The following ROBO2 variants were observed in gnomAD, a reference collection of about 807,000 sequenced individuals.
ROBO2 encodes roundabout homolog 2.
ROBO2 carries 53 observed loss-of-function variants against 160.8 expected under a neutral mutation model. The ratio of observed to expected loss-of-function variants is 0.33; its 90% CI spans 0.26 to 0.41. The LOEUF (loss-of-function observed/expected upper bound fraction) is 0.41, where lower values mean the gene tolerates loss of function less well. Ranked by LOEUF, ROBO2 falls within the 10% of genes least tolerant of loss-of-function variation. ROBO2 has a pLI of 1.00. For synonymous variants in ROBO2, 664 were observed against 611.7 expected, an observed-to-expected ratio of 1.09 and a Z score of -1.26; for missense variants, 1,577 against 1,722.4, an observed-to-expected ratio of 0.92 and a Z score of 1.49.
chr3:76,719,958 T>C (rs2093439889), intron 2 of ROBO2, among the ~76,000 whole-genome samples: 1 of 152,076 alleles, frequency 6.6e-6, no homozygotes, highest in Admixed American at 6.6e-5. Flanking sequence ...ATTGAGAACT[T>C]ATCAAATATG....
chr3:76,234,539 G>GCA (rs1328799269), intron 2 of ROBO2, among the ~76,000 whole-genome samples: 7 of 152,168 alleles, frequency 4.6e-5, no homozygotes. Context: ...AACCTCACCA[G>GCA]CAACTGTTAT....
intron 2 of ROBO2, among the ~76,000 whole-genome samples, chr3:75,939,217 T>C (rs1406267170): frequency 2.6e-5 from 4 of 152,184 alleles, no homozygotes; most frequent in Non-Finnish European, 5.9e-5. Context: ...CACAACTGTT[T>C]CTCTGTAATA....
chr3:77,375,372 G>T (rs2072486636), intron 2 of ROBO2, among the ~76,000 whole-genome samples: 1 of 152,140 alleles, frequency 6.6e-6, no homozygotes, highest in South Asian at 2.1e-4. Context: ...CAGAAATAAA[G>T]ACAGAACATT....
intron 2 of ROBO2, among the ~76,000 whole-genome samples, chr3:77,179,692 T>G (rs2150826851): frequency 6.6e-6 from 1 of 152,244 alleles, no homozygotes; most frequent in Non-Finnish European, 1.5e-5. Context: ...ACATATAACA[T>G]TTAATCTCCT....
chr3:77,597,663 ATTAT>A (rs1327936474), intron 19 of ROBO2, among the ~76,000 whole-genome samples: 1 of 152,154 alleles, frequency 6.6e-6, no homozygotes, highest in Non-Finnish European at 1.5e-5. Flanking sequence ...TGAACAGAAT[ATTAT>A]TTAAGTTGAT....
chr3:77,060,353 C>G lies in ROBO2; in HGVS notation c.61+19507C>G, dbSNP rs1489018465. Among the ~76,000 whole-genome samples the G allele has an allele frequency of 2.0e-5, 3 of 152,102 alleles. No individual in the cohort carries two copies. The East Asian group carries it at 5.8e-4, about 29-fold the overall frequency. ...TGGGAGAAAATTGAATTGGAGAAACCTAGAAGAATTCCGCATCTAGTCCAT... is the reference window on the plus strand; with the variant it reads ...TGGGAGAAAATTGAATTGGAGAAACGTAGAAGAATTCCGCATCTAGTCCAT... On this transcript the variant is annotated intron_variant, in intron 1 of 25. Transcript: ENST00000461745.
intron 2 of ROBO2, among the ~76,000 whole-genome samples, chr3:76,018,533 A>C (rs1460528699): frequency 6.6e-6 from 1 of 151,628 alleles, no homozygotes; most frequent in Non-Finnish European, 1.5e-5. Context: ...TGTTGAATTT[A>C]TCTGTTTTCA....
chr3:76,225,192 G>C (rs926006794), intron 2 of ROBO2, among the ~76,000 whole-genome samples: 7 of 152,074 alleles, frequency 4.6e-5, no homozygotes, highest in Non-Finnish European at 5.9e-5. Flanking sequence ...AGTGGGGGCT[G>C]TACATTCCCC....
In ROBO2 at chr3:75,957,245, C is replaced by CAA. The variant is rs1344110928; in HGVS notation, c.109+19646_109+19647dup. Among the ~76,000 whole-genome samples the CAA allele has an allele frequency of 1.4e-4, 7 of 50,134 alleles. No homozygotes were observed. In the Admixed American group the frequency reaches 2.5e-3, roughly 18 times the overall value. The allele number at this position is 50,134 out of a possible 152,430, so 32.9% of individuals were successfully genotyped here. On this transcript the variant is annotated intron_variant, in intron 2 of 26. Coordinates refer to the ROBO2 transcript ENST00000487694. ...CACAAAACACACACGCACACACACA[C>CAA]AAAACACACACACACACACACATAC...
chr3:76,914,493 T>C (rs537335148), intron 2 of ROBO2, among the ~76,000 whole-genome samples: 1 of 152,150 alleles, frequency 6.6e-6, no homozygotes, highest in Non-Finnish European at 1.5e-5. Flanking sequence ...CTGCTACCTA[T>C]ATCTACTGCT....
intron 2 of ROBO2, among the ~76,000 whole-genome samples, chr3:76,965,468 T>G (rs1157951527): frequency 6.6e-6 from 1 of 152,180 alleles, no homozygotes; most frequent in African/African-American, 2.4e-5. Context: ...CATACATAGC[T>G]GCCCCTGACT....
intron 2 of ROBO2, among the ~76,000 whole-genome samples, chr3:76,482,341 T>C (rs2079256331): frequency 6.6e-6 from 1 of 152,124 alleles, no homozygotes; most frequent in Non-Finnish European, 1.5e-5. Flanking sequence ...TATTCAAGTT[T>C]ATTACAGCTA....
At chr3:77,236,986 A>G (rs1036498877) in intron 2 of ROBO2, among the ~76,000 whole-genome samples, 4 of 151,870 alleles carry the variant, frequency 2.6e-5, no homozygotes, top group African/African-American at 9.7e-5. Context: ...CAATCCCCCA[A>G]CTCCAGACAC....
chr3:76,890,408 T>G (rs1420645441), intron 2 of ROBO2, among the ~76,000 whole-genome samples: 1 of 152,114 alleles, frequency 6.6e-6, no homozygotes, highest in Non-Finnish European at 1.5e-5. Flanking sequence ...TTACCTAAGA[T>G]CAGGTGAAAA....
chr3:76,765,812 C>A (rs980994717), intron 2 of ROBO2, among the ~76,000 whole-genome samples: 5 of 151,672 alleles, frequency 3.3e-5, no homozygotes, highest in Admixed American at 2.0e-4. Context: ...AACTATTAAG[C>A]CAAGTTCTGC....
At chr3:76,606,255 T>C (rs1213994304) in intron 2 of ROBO2, among the ~76,000 whole-genome samples, 1 of 152,192 alleles carries the variant, frequency 6.6e-6, no homozygotes, top group Non-Finnish European at 1.5e-5. Flanking sequence ...TGCCTCAGTG[T>C]AGATTGTAGA....
intron 5 of ROBO2, among the ~76,000 whole-genome samples, chr3:77,517,900 T>C (rs1415072977): frequency 2.0e-5 from 3 of 151,440 alleles, no homozygotes; most frequent in Admixed American, 6.6e-5. Flanking sequence ...GTATTTGTAG[T>C]TCAGTGCCAT....
At chr3:76,219,957 G>T (rs1575948982) in intron 2 of ROBO2, among the ~76,000 whole-genome samples, 1 of 151,944 alleles carries the variant, frequency 6.6e-6, no homozygotes, top group Non-Finnish European at 1.5e-5. Flanking sequence ...ACTGGATTAA[G>T]AAAATGTGGC....
In ROBO2 at chr3:76,658,493, C is replaced by A. The variant is rs115043576; in HGVS notation, c.110-439521C>A. On this transcript the variant is annotated intron_variant, in intron 2 of 26. Transcript: ENST00000487694. ...TAATGCTCTCCCTCCCCTAGCCTCG[C>A]ACCCCGCAACAGGCCCCGGCATGTG... 4.1e-3 allele frequency among the ~76,000 whole-genome samples: 626 copies of A among 152,184 alleles called. 5 individuals carry two copies. Among genetic ancestry groups the A allele is most frequent in the African/African-American group, 0.014 (593 of 41,510 alleles).
Sources: gnomAD v4.1 joint callset for allele counts (sites outside exome capture counted in the v4.1 genomes callset) on GRCh38, gnomAD v4.1.1 for gene constraint, MANE v1.5 for transcripts, NCBI Gene and HGNC (gene_info 2026-07-23, HGNC 2026-07-21) for gene names.